Variants in FKTN observed in about 807,000 individuals in gnomAD.
The protein encoded by FKTN is fukutin.
FKTN carries 47 observed loss-of-function variants against 58.6 expected under a neutral mutation model. The observed-to-expected ratio is 0.80, with a 90% CI of 0.63 to 1.02. FKTN has a LOEUF of 1.02. Ranked by LOEUF, FKTN falls within the 50% of genes least tolerant of loss-of-function variation. The pLI is 0.00. For synonymous variants in FKTN, 178 were observed against 191.9 expected, an observed-to-expected ratio of 0.93 and a Z score of 0.60; for missense variants, 516 against 537.3, an observed-to-expected ratio of 0.96 and a Z score of 0.39.
At chr9:105,559,684 CAA>C (rs751342126) in intron 1 of FKTN, among the ~76,000 whole-genome samples, 1 of 114,662 alleles carries the variant, frequency 8.7e-6, no homozygotes, top group African/African-American at 3.2e-5. Context: ...AACTCTGTCT[CAA>C]AAAAAAAAAA....
intron 3 of FKTN, among the ~76,000 whole-genome samples, chr9:105,581,695 G>A (rs1051731522): frequency 6.6e-6 from 1 of 152,188 alleles, no homozygotes; most frequent in Non-Finnish European, 1.5e-5. Context: ...TGGGCTCCAT[G>A]CAGTTCGAGC....
intron 10 of FKTN, among the ~76,000 whole-genome samples, chr9:105,628,946 T>C (rs933688344): frequency 1.5e-4 from 23 of 152,178 alleles, no homozygotes; most frequent in African/African-American, 5.5e-4. Flanking sequence ...ACAGGGAACT[T>C]TGGACGAGGG....
chr9:105,593,453 A>G (rs983222632), intron 3 of FKTN, among the ~76,000 whole-genome samples: 4 of 152,210 alleles, frequency 2.6e-5, no homozygotes, highest in African/African-American at 9.6e-5. Flanking sequence ...TCAGGTGCCT[A>G]TTTGACATTC....
intron 4 of FKTN, among the ~76,000 whole-genome samples, chr9:105,599,851 T>G (rs1464430235): frequency 6.6e-6 from 1 of 152,138 alleles, no homozygotes; most frequent in Non-Finnish European, 1.5e-5. Context: ...TTTCTCCTGC[T>G]CCATTTTCTC....
intron 4 of FKTN, chr9:105,598,217 G>C (rs754553501): frequency 5.0e-6 from 2 of 399,544 alleles, no homozygotes; most frequent in Non-Finnish European, 1.0e-5. Context: ...ACATTGAGGG[G>C]ACTAAAAAAA....
intron 3 of FKTN, among the ~76,000 whole-genome samples, chr9:105,585,453 A>G (rs544089031): frequency 3.9e-5 from 6 of 152,314 alleles, no homozygotes; most frequent in South Asian, 2.1e-4. Flanking sequence ...CATATGTAAA[A>G]TAAAAATAGT....
At chr9:105,617,737 C>A (rs1831076844) in intron 8 of FKTN, among the ~76,000 whole-genome samples, 1 of 151,984 alleles carries the variant, frequency 6.6e-6, no homozygotes, top group African/African-American at 2.4e-5. Context: ...CATCTTAAGT[C>A]TAATCCTGTG....
chr9:105,627,809 T>C (rs1832915525), intron 10 of FKTN, among the ~76,000 whole-genome samples: 1 of 152,184 alleles, frequency 6.6e-6, no homozygotes, highest in South Asian at 2.1e-4. Context: ...GTCTGTCCTT[T>C]CTATGTGATA....
At chr9:105,578,131 T>C (rs1587895111) in intron 3 of FKTN, among the ~76,000 whole-genome samples, 1 of 151,350 alleles carries the variant, frequency 6.6e-6, no homozygotes, top group Non-Finnish European at 1.5e-5. Flanking sequence ...ACAGTTTGAC[T>C]TCCTCTTTTC....
intron 1 of FKTN, among the ~76,000 whole-genome samples, chr9:105,562,253 G>C (rs184511319): frequency 1.3e-5 from 2 of 152,238 alleles, no homozygotes; most frequent in Non-Finnish European, 2.9e-5. Context: ...TCTCGCCAAA[G>C]ACTTGGTGGT....
intron 10 of FKTN, among the ~76,000 whole-genome samples, chr9:105,625,679 A>C (rs1026217351): frequency 9.9e-5 from 15 of 152,214 alleles, no homozygotes; most frequent in African/African-American, 3.6e-4. Flanking sequence ...TGTCCAAAAT[A>C]ACATATAAGT....
intron 3 of FKTN, among the ~76,000 whole-genome samples, chr9:105,585,436 A>G (rs1843734558): frequency 6.6e-6 from 1 of 152,218 alleles, no homozygotes; most frequent in African/African-American, 2.4e-5. Context: ...AAATAAATAA[A>G]TATGTACATA....
intron 1 of FKTN, among the ~76,000 whole-genome samples, chr9:105,564,847 C>T (rs1031307053): frequency 6.6e-6 from 1 of 152,120 alleles, no homozygotes; most frequent in African/African-American, 2.4e-5. Flanking sequence ...ACGTAATTGT[C>T]AGATTCACCA....
intron 3 of FKTN, among the ~76,000 whole-genome samples, chr9:105,586,577 C>T (rs550725555): frequency 1.6e-4 from 24 of 152,328 alleles, no homozygotes; most frequent in African/African-American, 5.5e-4. Flanking sequence ...AGGCCCTACT[C>T]ATGAAACTCA....
rs372522038 is a variant in FKTN at position 105,589,847 on chromosome 9, G to A, written c.106-6751G>A. On this transcript the variant is annotated intron_variant, in intron 3 of 10. Coordinates refer to ENST00000357998, the MANE Select transcript of FKTN (RefSeq NM_001079802.2). ...AACAAAGAAAATACAAAAGTCCTGCGGCAGGAATATGTCTGTCAGTTTTGA... is the reference window on the plus strand; with the variant it reads ...AACAAAGAAAATACAAAAGTCCTGCAGCAGGAATATGTCTGTCAGTTTTGA... Among the ~76,000 whole-genome samples, 12 of 152,226 alleles carry A rather than the reference G, an allele frequency of 7.9e-5. 1 individual carries two copies. In the South Asian group the frequency reaches 1.5e-3, roughly 18 times the overall value.
intron 10 of FKTN, among the ~76,000 whole-genome samples, chr9:105,634,187 A>C (rs866000257): frequency 6.6e-6 from 1 of 151,636 alleles, no homozygotes; most frequent in Non-Finnish European, 1.5e-5. Flanking sequence ...GCTGGAGTGC[A>C]GTGGCGTGAT....
At chr9:105,566,957 G>C (rs1839756385) in intron 1 of FKTN, among the ~76,000 whole-genome samples, 1 of 152,066 alleles carries the variant, frequency 6.6e-6, no homozygotes, top group Non-Finnish European at 1.5e-5. Context: ...ATGATCAAGT[G>C]GGCTTCATCC....
At chr9:105,622,805 T>C (rs1051112221) in intron 10 of FKTN, among the ~76,000 whole-genome samples, 11 of 152,074 alleles carry the variant, frequency 7.2e-5, no homozygotes, top group Non-Finnish European at 1.5e-4. Flanking sequence ...TACTGTATTA[T>C]TATTATTACT....
intron 3 of FKTN, among the ~76,000 whole-genome samples, chr9:105,588,977 T>C (rs945839260): frequency 4.6e-5 from 7 of 152,110 alleles, no homozygotes; most frequent in Non-Finnish European, 1.0e-4. Flanking sequence ...GTAGGGTCAT[T>C]GGTTGACAGT....
Sources: gnomAD v4.1 joint callset for allele counts (sites outside exome capture counted in the v4.1 genomes callset) on GRCh38, gnomAD v4.1.1 for gene constraint, MANE v1.5 for transcripts, NCBI Gene and HGNC (gene_info 2026-07-23, HGNC 2026-07-21) for gene names.